The following GNPDA2 variants were observed in gnomAD, a reference collection of about 807,000 sequenced individuals.
GNPDA2 encodes glucosamine-6-phosphate deaminase 2, also known as glcN6P deaminase 2.
GNPDA2 carries 24 observed loss-of-function variants against 27.0 expected under a neutral mutation model. That is an observed-to-expected ratio of 0.89 (90% confidence interval 0.64 to 1.25). GNPDA2 has a LOEUF of 1.25. GNPDA2 is among the 50% of genes most tolerant of loss of function. The pLI, the probability that GNPDA2 is intolerant of heterozygous loss-of-function variation, is 0.00. For synonymous variants in GNPDA2, 94 were observed against 108.4 expected, an observed-to-expected ratio of 0.87 and a Z score of 0.83; for missense variants, 286 against 335.1, an observed-to-expected ratio of 0.85 and a Z score of 1.14.
rs150493384 is a variant in GNPDA2 at position 44,717,567 on chromosome 4, G to A, written c.227-272C>T. Among the ~76,000 whole-genome samples the A allele has an allele frequency of 3.3e-3, 507 of 151,838 alleles. 2 individuals are homozygous for A. The highest frequency in any genetic ancestry group is 0.011 in the African/African-American group (472 of 41,526). ...ATCTTTCCCAAAGGTCCCATAGTTC[G>A]CAAAGGAGTTAGGATTCAAACACAG... On this transcript the variant is annotated intron_variant, in intron 3 of 6. Transcript: ENST00000295448.
chr4:44,705,211 C>T (rs1432598927), intron 6 of GNPDA2: 4 of 980,816 alleles, frequency 4.1e-6, no homozygotes, highest in African/African-American at 1.8e-5. Context: ...GAATTTACAT[C>T]CTCCAGTATT....
In GNPDA2 at chr4:44,710,957, C is replaced by G; in HGVS notation, c.590G>C (p.Arg197Thr). ...CAAAGAATATTTAATGCTTACTTCT[C>G]TAGCATCCATCACTGTCCCCACACC... The part of the protein sequence containing the change: ...TVGVGTVMDA[R>T]EVMILITGAH... The change falls in exon 5 of 7, where the codon AGA becomes ACA. Residue 197 changes from arginine to threonine, a missense_variant. Arg to Thr is a moderately conservative substitution (Grantham distance 71). Transcript: ENST00000295448. 6.3e-7 allele frequency: 1 copy of G among 1,592,444 alleles called. No homozygotes were observed. The highest frequency in any genetic ancestry group is 8.5e-7 in the Non-Finnish European group (1 of 1,171,836).
At chr4:44,713,630 A>G (rs750500259) in intron 4 of GNPDA2, among the ~76,000 whole-genome samples, 24 of 152,182 alleles carry the variant, frequency 1.6e-4, no homozygotes, top group Admixed American at 7.2e-4. Context: ...CTGTAATCCT[A>G]GCACTTTGGG....
intron 4 of GNPDA2, among the ~76,000 whole-genome samples, chr4:44,712,008 GTT>G (rs939083661): frequency 7.9e-5 from 12 of 151,974 alleles, no homozygotes; most frequent in African/African-American, 2.7e-4. Flanking sequence ...GTGACAACCA[GTT>G]TTAAAACACT....
At chr4:44,715,986 T>C (rs1322233314) in intron 4 of GNPDA2, among the ~76,000 whole-genome samples, 3 of 152,012 alleles carry the variant, frequency 2.0e-5, no homozygotes, top group Admixed American at 6.6e-5. Flanking sequence ...GTAGCACTTA[T>C]GGAGTACCAA....
intron 6 of GNPDA2, chr4:44,706,001 G>A (rs887530115): frequency 6.6e-6 from 1 of 151,754 alleles, no homozygotes; most frequent in African/African-American, 2.4e-5. Context: ...ACCTAATTGT[G>A]ACAAAATTAG....
intron 4 of GNPDA2, 41 bp downstream of exon 4, chr4:44,717,072 A>G (rs1174321518): frequency 1.4e-6 from 2 of 1,382,910 alleles, no homozygotes; most frequent in South Asian, 2.6e-5. Context: ...TCCCTAATTC[A>G]AACACTAACA....
At chr4:44,714,682 G>T (rs775348271) in intron 4 of GNPDA2, 3 of 984,634 alleles carry the variant, frequency 3.0e-6, no homozygotes, top group Non-Finnish European at 3.6e-6. Context: ...AAGGGTAGTT[G>T]TAAGACCCAG....
chr4:44,704,417 A>G (rs1407213751), intron 6 of GNPDA2: 1 of 933,458 alleles, frequency 1.1e-6, no homozygotes, highest in African/African-American at 1.8e-5. Context: ...TTACGGAAAG[A>G]ATACACAGAG....
At chr4:44,722,040 T>C in intron 2 of GNPDA2, 44 bp downstream of exon 2, 3 of 1,399,612 alleles carry the variant, frequency 2.1e-6, no homozygotes, top group Non-Finnish European at 3.0e-6. Context: ...CAGAATTAAA[T>C]TTAGATAATA....
intron 1 of GNPDA2, among the ~76,000 whole-genome samples, chr4:44,724,236 T>A (rs1002861479): frequency 1.3e-5 from 2 of 152,182 alleles, no homozygotes; most frequent in Non-Finnish European, 1.5e-5. Context: ...CAGACCTTGG[T>A]GTTTTCCTTT....
At chr4:44,724,294 TC>T (rs1358380921) in intron 1 of GNPDA2, among the ~76,000 whole-genome samples, 2 of 152,188 alleles carry the variant, frequency 1.3e-5, no homozygotes, top group Non-Finnish European at 2.9e-5. Context: ...GTCCTCTGCC[TC>T]CAGACCCTAT....
intron 2 of GNPDA2, among the ~76,000 whole-genome samples, 183 bp downstream of exon 2, chr4:44,721,901 A>C (rs1383546802): frequency 6.6e-6 from 1 of 152,218 alleles, no homozygotes; most frequent in Non-Finnish European, 1.5e-5. Context: ...CACAAGAACT[A>C]GTAACACATT....
chr4:44,702,417 C>A lies in GNPDA2; in HGVS notation c.*664G>T, dbSNP rs373755312. 1.0e-6 allele frequency: 1 copy of A among 974,704 alleles called. No homozygotes were observed. The highest frequency in any genetic ancestry group is 1.2e-6 in the Non-Finnish European group (1 of 820,076). 60.4% of individuals were successfully genotyped at this position (974,704 alleles called of 1,614,324 possible). A position where few individuals can be genotyped will look rare whatever the true frequency, so the allele number is the denominator to read the frequency against. ...TTATATTAGGGACATGAACCCAAGT[C>A]GTTAAATAAAAATAAGATATTTGTA... On this transcript the variant is annotated 3_prime_UTR_variant, in exon 7 of 7. Coordinates refer to ENST00000295448, the MANE Select transcript of GNPDA2 (RefSeq NM_138335.3).
chr4:44,718,766 AATG>A (rs1344901986), intron 2 of GNPDA2, among the ~76,000 whole-genome samples: 2 of 151,950 alleles, frequency 1.3e-5, no homozygotes, highest in Non-Finnish European at 2.9e-5. Context: ...TTCTTGCACA[AATG>A]ATATGTAAAT....
intron 6 of GNPDA2, chr4:44,705,098 C>A (rs2109690794): frequency 1.0e-6 from 1 of 984,824 alleles, no homozygotes; most frequent in East Asian, 1.1e-4. Flanking sequence ...TATCTAGGCA[C>A]TAAATAAAAC....
rs765281189 is a variant in GNPDA2, at chr4:44,716,993, C to T, written c.409+120G>A. ...ACAGGAATCAGTAGCAGAATAAACGCGTATTACGGACAGCCACAGGTGCTC... is the reference window on the plus strand; with the variant it reads ...ACAGGAATCAGTAGCAGAATAAACGTGTATTACGGACAGCCACAGGTGCTC... On this transcript the variant is annotated intron_variant, in intron 4 of 6. Coordinates refer to ENST00000295448, the MANE Select transcript of GNPDA2 (RefSeq NM_138335.3). The T allele has an allele frequency of 4.7e-5, 28 of 591,356 alleles. 1 individual carries two copies. The highest frequency in any genetic ancestry group is 6.8e-5 in the Admixed American group (2 of 29,574). The allele number at this position is 591,356 out of a possible 1,614,324, so 36.6% of individuals were successfully genotyped here. A position where few individuals can be genotyped will look rare whatever the true frequency, so the allele number is the denominator to read the frequency against.
chr4:44,711,009 T>C lies in GNPDA2; in HGVS notation c.538A>G (p.Lys180Glu). Residue 180 changes from lysine (K) to glutamate (E), a missense_variant, in exon 5 of 7, where the codon AAA becomes GAA. By Grantham distance (56) the Lys-to-Glu change is moderately conservative. Transcript: ENST00000295448. ...ACAGTTAGAGCCATAGTTGGCACTT[T>C]TGATAAATCTCCATCAAAATATTTG... ...NAKYFDGDLS[K>E]VPTMALTVGV... 6.2e-7 allele frequency: 1 copy of C among 1,613,194 alleles called. No individual in the cohort carries two copies. The highest frequency in any genetic ancestry group is 8.5e-7 in the Non-Finnish European group (1 of 1,179,550).
chr4:44,710,281 T>G (rs554558764), intron 5 of GNPDA2, among the ~76,000 whole-genome samples: 29 of 152,284 alleles, frequency 1.9e-4, no homozygotes, highest in African/African-American at 7.0e-4. Flanking sequence ...TATAGTTTTT[T>G]CCTCTGAACC....
Sources: gnomAD v4.1 joint callset for allele counts (sites outside exome capture counted in the v4.1 genomes callset) on GRCh38, gnomAD v4.1.1 for gene constraint, MANE v1.5 for transcripts, NCBI Gene and HGNC (gene_info 2026-07-23, HGNC 2026-07-21) for gene names.